DGKB: variants seen among roughly 807,000 people sequenced by gnomAD.
The protein encoded by DGKB is 90 kDa diacylglycerol kinase.
In DGKB, 67 loss-of-function variants were observed where a neutral mutation model predicts 114.3. The observed-to-expected ratio is 0.59, with a 90% CI of 0.48 to 0.72. The LOEUF is 0.72. DGKB is among the 30% of genes least tolerant of loss of function. The pLI, the probability that DGKB is intolerant of heterozygous loss-of-function variation, is 0.00. For synonymous variants in DGKB, 398 were observed against 323.1 expected, an observed-to-expected ratio of 1.23 and a Z score of -2.49; for missense variants, 907 against 975.2, an observed-to-expected ratio of 0.93 and a Z score of 0.93.
At chr7:14,865,789 A>C (rs889455997) in intron 1 of DGKB, among the ~76,000 whole-genome samples, 4 of 152,178 alleles carry the variant, frequency 2.6e-5, no homozygotes, top group African/African-American at 9.6e-5. Flanking sequence ...GCACGTGCTG[A>C]GTAAAAAGAA....
chr7:14,423,087 G>C (rs1486955292), intron 21 of DGKB, among the ~76,000 whole-genome samples: 1 of 151,920 alleles, frequency 6.6e-6, no homozygotes, highest in Non-Finnish European at 1.5e-5. Context: ...TTCTACTTTA[G>C]AAGAAAATCA....
chr7:14,856,565 G>C (rs939699411), intron 1 of DGKB, among the ~76,000 whole-genome samples: 1 of 151,830 alleles, frequency 6.6e-6, no homozygotes, highest in African/African-American at 2.4e-5. Flanking sequence ...AATGCAACTT[G>C]CATTTTTTAC....
intron 2 of DGKB, among the ~76,000 whole-genome samples, chr7:14,824,792 A>G (rs1845432066): frequency 6.6e-6 from 1 of 151,630 alleles, no homozygotes; most frequent in South Asian, 2.1e-4. Context: ...GAAGTTGTAT[A>G]AAATGTCATT....
chr7:14,774,939 A>C (rs1837935988), intron 2 of DGKB, among the ~76,000 whole-genome samples: 1 of 152,146 alleles, frequency 6.6e-6, no homozygotes, highest in African/African-American at 2.4e-5. Context: ...TTTACAGGCA[A>C]GATCATTGCA....
intron 3 of DGKB, among the ~76,000 whole-genome samples, chr7:14,754,450 G>A (rs191659195): frequency 6.6e-5 from 10 of 151,940 alleles, no homozygotes; most frequent in East Asian, 1.9e-4. Context: ...TTCTATTAGC[G>A]TCACGCCTAG....
chr7:14,929,056 CAT>C lies in DGKB; in HGVS notation c.-188+45638_-188+45639del, dbSNP rs1554347018. 6.9e-3 allele frequency among the ~76,000 whole-genome samples: 1,039 copies of C among 149,632 alleles called. 10 individuals carry two copies. The highest frequency in any genetic ancestry group is 0.022 in the African/African-American group (903 of 40,444). ...ACACACACACACACACACACACACACATACATATCACATTTTCTTTATACAGT... is the reference window on the plus strand; with the variant it reads ...ACACACACACACACACACACACACACACATATCACATTTTCTTTATACAGT... On this transcript the variant is annotated intron_variant, in intron 1 of 4. Transcript: ENST00000437998.
intron 1 of DGKB, among the ~76,000 whole-genome samples, chr7:14,947,943 C>T (rs945069439): frequency 2.0e-5 from 3 of 151,756 alleles, no homozygotes; most frequent in African/African-American, 7.2e-5. Context: ...AATAAACAAT[C>T]CCTCCCTTCA....
intron 25 of DGKB, among the ~76,000 whole-genome samples, chr7:14,170,203 A>AAGAAAGAAAGAAAGAAAG: frequency 6.7e-6 from 1 of 149,076 alleles, no homozygotes; most frequent in Non-Finnish European, 1.5e-5. Flanking sequence ...GAAAGAAAGA[A>AAGAAAGAAAGAAAGAAAG]ATACATTAAG....
intron 6 of DGKB, among the ~76,000 whole-genome samples, chr7:14,710,086 T>C (rs1410061703): frequency 6.6e-6 from 1 of 152,078 alleles, no homozygotes; most frequent in Non-Finnish European, 1.5e-5. Context: ...TCTAATGAGA[T>C]TGTACTGAAC....
rs182105395 is a variant in DGKB at position 14,921,347 on chromosome 7, T to C, written c.-188+53349A>G. Among the ~76,000 whole-genome samples the C allele has an allele frequency of 2.0e-5, 3 of 152,246 alleles. No homozygotes were observed. The East Asian group carries it at 5.8e-4, about 29-fold the overall frequency. ...CAAAATGGAGAAGGAGAAGGGTATATACAAATTCGGAACTACTTGCTTAAT... is the reference window on the plus strand; with the variant it reads ...CAAAATGGAGAAGGAGAAGGGTATACACAAATTCGGAACTACTTGCTTAAT... On this transcript the variant is annotated intron_variant, in intron 1 of 4. Transcript: ENST00000437998.
chr7:14,279,611 G>A (rs1013672832), intron 23 of DGKB, among the ~76,000 whole-genome samples: 2 of 152,096 alleles, frequency 1.3e-5, no homozygotes, highest in African/African-American at 4.8e-5. Flanking sequence ...TAGGGTTTCT[G>A]CTGAGAGATC....
chr7:14,730,169 A>C (rs1830700153), intron 5 of DGKB, among the ~76,000 whole-genome samples: 1 of 152,242 alleles, frequency 6.6e-6, no homozygotes, highest in Admixed American at 6.5e-5. Flanking sequence ...ATATTATTAA[A>C]GAAACTAACA....
Position 14,295,731 on chromosome 7 carries a change from G to C in DGKB, c.2122+42784C>G, listed in dbSNP as rs141487576. ...AAAAATTATTATTATTATGTTCTAAGTTCTCGGATACATGTGCAGAACATG... is the reference window on the plus strand; with the variant it reads ...AAAAATTATTATTATTATGTTCTAACTTCTCGGATACATGTGCAGAACATG... On this transcript the variant is annotated intron_variant, in intron 23 of 25. Transcript: ENST00000402815. 6.0e-3 allele frequency among the ~76,000 whole-genome samples: 910 copies of C among 152,154 alleles called. 13 individuals carry two copies. The highest frequency in any genetic ancestry group is 0.021 in the African/African-American group (868 of 41,498).
chr7:14,510,811 A>C (rs1271264808), intron 20 of DGKB, among the ~76,000 whole-genome samples: 1 of 152,204 alleles, frequency 6.6e-6, no homozygotes, highest in Non-Finnish European at 1.5e-5. Context: ...TTGCAGAATG[A>C]ATGTTGTGTT....
intron 2 of DGKB, among the ~76,000 whole-genome samples, chr7:14,837,240 T>C (rs1847284918): frequency 6.6e-6 from 1 of 152,196 alleles, no homozygotes; most frequent in East Asian, 1.9e-4. Flanking sequence ...TGTGCCAGTA[T>C]CACCCTACTT....
Position 14,682,825 on chromosome 7 carries a change from G to T in DGKB, c.846C>A (p.Val282=). 6.3e-7 allele frequency: 1 copy of T among 1,593,774 alleles called. No individual in the cohort carries two copies. Among genetic ancestry groups the T allele is most frequent in the Non-Finnish European group, 8.6e-7 (1 of 1,169,090 alleles). The change falls in exon 11 of 26, where the codon GTC becomes GTA. Residue 282 remains valine (V), a synonymous_variant. Transcript: ENST00000402815. ...GTGCTCGAGCCACACAGCGCTCATGGACTGTGTACTTGCAGACTGAAAGGA... is the reference window on the plus strand; with the variant it reads ...GTGCTCGAGCCACACAGCGCTCATGTACTGTGTACTTGCAGACTGAAAGGA... ...GLCCSFCKYT[V]HERCVARAPP...
intron 21 of DGKB, among the ~76,000 whole-genome samples, chr7:14,424,734 C>T (rs1827239856): frequency 6.6e-6 from 1 of 152,052 alleles, no homozygotes; most frequent in African/African-American, 2.4e-5. Flanking sequence ...CTTCAAAACT[C>T]TCCCAATTTA....
chr7:14,700,953 G>C (rs945690714), intron 7 of DGKB, among the ~76,000 whole-genome samples: 1 of 151,952 alleles, frequency 6.6e-6, no homozygotes, highest in African/African-American at 2.4e-5. Context: ...GTAGATTATT[G>C]GATAGAACCT....
In DGKB at chr7:14,147,278, T is replaced by TAATC. The variant is rs1781577231; in HGVS notation, c.*1849_*1852dup. ...GATTGCTGTACTAAATTTGCAATTG[T>TAATC]AATCATAATTTTCCTGGGAATGCTA... On this transcript the variant is annotated 3_prime_UTR_variant, in exon 26 of 26. Transcript: ENST00000402815. 6.6e-6 allele frequency: 1 copy of TAATC among 152,196 alleles called. No homozygotes were observed. The highest frequency in any genetic ancestry group is 6.5e-5 in the Admixed American group (1 of 15,278). 9.4% of individuals were successfully genotyped at this position (152,196 alleles called of 1,614,324 possible).
Sources: gnomAD v4.1 joint callset for allele counts (sites outside exome capture counted in the v4.1 genomes callset) on GRCh38, gnomAD v4.1.1 for gene constraint, MANE v1.5 for transcripts, NCBI Gene and HGNC (gene_info 2026-07-23, HGNC 2026-07-21) for gene names.